Variants in DAB1 observed in about 807,000 individuals in gnomAD.
The protein encoded by DAB1 is disabled homolog 1.
DAB1 carries 15 observed loss-of-function variants against 64.6 expected under a neutral mutation model. The observed-to-expected ratio is 0.23, with a 90% CI of 0.16 to 0.36. The LOEUF is 0.36. Ranked by LOEUF, DAB1 falls within the 10% of genes least tolerant of loss-of-function variation. The probability of loss-of-function intolerance (pLI) is 1.00; values close to 1 mark genes in which losing one functional copy is unlikely to be tolerated. For missense variants in DAB1, 596 were observed against 706.7 expected (o/e 0.84, Z 1.78); for synonymous variants, 235 against 251.9 (o/e 0.93, Z 0.64).
chr1:57,952,721 G>T (rs1166355166), intron 5 of DAB1, among the ~76,000 whole-genome samples: 1 of 152,074 alleles, frequency 6.6e-6, no homozygotes, highest in Non-Finnish European at 1.5e-5. Flanking sequence ...ATGGAAAAAA[G>T]CCAAGAAGAC....
chr1:57,987,712 T>C (rs1646254291), intron 5 of DAB1, among the ~76,000 whole-genome samples: 3 of 152,182 alleles, frequency 2.0e-5, no homozygotes, highest in African/African-American at 7.2e-5. Flanking sequence ...CTAATTACCA[T>C]TTATATAAGA....
intron 5 of DAB1, among the ~76,000 whole-genome samples, chr1:58,135,816 C>T (rs564189692): frequency 1.2e-4 from 18 of 152,280 alleles, no homozygotes; most frequent in African/African-American, 4.3e-4. Context: ...TCAGTTTCTA[C>T]TGACCCTTTG....
At chr1:57,527,974 T>C (rs568082944) in intron 7 of DAB1, among the ~76,000 whole-genome samples, 2 of 152,172 alleles carry the variant, frequency 1.3e-5, no homozygotes, top group South Asian at 4.1e-4. Flanking sequence ...AAAAGTAGAA[T>C]TTGACTTATA....
rs7552490 is a variant in DAB1 at position 57,153,124 on chromosome 1, C to T, written c.68-7695G>A. 1.4e-4 allele frequency among the ~76,000 whole-genome samples: 21 copies of T among 152,258 alleles called. 1 individual carries two copies. In the South Asian group the frequency reaches 3.7e-3, roughly 27 times the overall value. On this transcript the variant is annotated intron_variant, in intron 2 of 14. Transcript: ENST00000371236. ...CACTGCAATCTCTGCCTCCCGGGTT[C>T]GAGCGATTCTCGTGCCTCAGCCACC...
chr1:57,405,067 G>T (rs986872082), intron 1 of DAB1, among the ~76,000 whole-genome samples: 16 of 152,194 alleles, frequency 1.1e-4, no homozygotes, highest in Non-Finnish European at 2.2e-4. Flanking sequence ...GAAAGCCACA[G>T]AATGCTGTCA....
chr1:57,247,868 T>A (rs2100505742), intron 2 of DAB1, among the ~76,000 whole-genome samples: 1 of 152,334 alleles, frequency 6.6e-6, no homozygotes, highest in African/African-American at 2.4e-5. Context: ...GGAAGCTACT[T>A]GTAGAAAATG....
intron 3 of DAB1, among the ~76,000 whole-genome samples, chr1:58,361,365 A>T (rs1412199252): frequency 2.6e-5 from 4 of 152,244 alleles, no homozygotes; most frequent in African/African-American, 9.6e-5. Context: ...AGATTGGACC[A>T]CTAAGGACCG....
chr1:57,922,740 G>C (rs1401451989), intron 5 of DAB1, among the ~76,000 whole-genome samples: 1 of 150,408 alleles, frequency 6.6e-6, no homozygotes. Context: ...CAGCTACTCG[G>C]GAAGCTGAGG....
intron 9 of DAB1, among the ~76,000 whole-genome samples, chr1:57,053,871 G>C (rs1649473677): frequency 6.6e-6 from 1 of 151,278 alleles, no homozygotes; most frequent in South Asian, 2.1e-4. Context: ...TATTTTTGTA[G>C]AGACAGGGTT....
At chr1:58,020,143 C>T (rs1311647160) in intron 5 of DAB1, among the ~76,000 whole-genome samples, 1 of 152,134 alleles carries the variant, frequency 6.6e-6, no homozygotes, top group African/African-American at 2.4e-5. Context: ...ATAATTCTAC[C>T]CATGAATTAG....
chr1:58,187,526 C>T (rs1657146139), intron 4 of DAB1, among the ~76,000 whole-genome samples: 1 of 150,032 alleles, frequency 6.7e-6, no homozygotes. Flanking sequence ...CTGCTAAATA[C>T]ATGTGTGTGG....
chr1:57,055,416 A>G (rs990204390), intron 9 of DAB1, among the ~76,000 whole-genome samples: 5 of 152,234 alleles, frequency 3.3e-5, no homozygotes, highest in African/African-American at 1.2e-4. Context: ...GAAAGGGATG[A>G]TAACCACAGC....
intron 2 of DAB1, among the ~76,000 whole-genome samples, chr1:57,166,182 A>G (rs1282212318): frequency 6.6e-6 from 1 of 152,104 alleles, no homozygotes; most frequent in Non-Finnish European, 1.5e-5. Flanking sequence ...TATTTTTTTA[A>G]TTTGGTGGAT....
intron 1 of DAB1, among the ~76,000 whole-genome samples, chr1:57,406,494 A>C (rs1458325906): frequency 6.6e-6 from 1 of 152,202 alleles, no homozygotes; most frequent in Non-Finnish European, 1.5e-5. Flanking sequence ...GGTACCCTGC[A>C]GCAGCTCAAT....
At chr1:57,920,908 C>T (rs531100937) in intron 5 of DAB1, among the ~76,000 whole-genome samples, 1 of 152,012 alleles carries the variant, frequency 6.6e-6, no homozygotes, top group Non-Finnish European at 1.5e-5. Flanking sequence ...TTTAAATATA[C>T]CCATCCCTTC....
At chr1:57,694,632 C>G (rs6700116) in intron 6 of DAB1, among the ~76,000 whole-genome samples, 18,326 of 152,038 alleles carry the variant, frequency 0.12, 1,549 homozygotes, top group South Asian at 0.3. Flanking sequence ...TAGGCTTTTT[C>G]AAACTAAGGA....
At chr1:57,379,170 C>A (rs1004512291) in intron 1 of DAB1, among the ~76,000 whole-genome samples, 2 of 150,264 alleles carry the variant, frequency 1.3e-5, no homozygotes, top group African/African-American at 4.9e-5. Context: ...CTAAGAAACC[C>A]CCTCCCCCAC....
chr1:57,954,019 C>G (rs72920698), intron 5 of DAB1, among the ~76,000 whole-genome samples: 2,801 of 152,166 alleles, frequency 0.018, 88 homozygotes, highest in African/African-American at 0.064. Flanking sequence ...TCTAAAGCCC[C>G]CTTAGAACCC....
At chr1:58,196,532 A>G (rs986557324) in intron 4 of DAB1, among the ~76,000 whole-genome samples, 2 of 152,182 alleles carry the variant, frequency 1.3e-5, no homozygotes, top group Non-Finnish European at 2.9e-5. Flanking sequence ...CCATTTTCAC[A>G]CTGCTATAAA....
Sources: allele counts gnomAD v4.1 joint callset (sites outside exome capture counted in the v4.1 genomes callset), GRCh38; gene constraint gnomAD v4.1.1; transcripts MANE v1.5; gene names NCBI Gene and HGNC (gene_info 2026-07-23, HGNC 2026-07-21).